The following DPY19L1 variants were observed in gnomAD, a reference collection of about 807,000 sequenced individuals.
The protein encoded by DPY19L1 is protein C-mannosyl-transferase DPY19L1.
In DPY19L1, 35 loss-of-function variants were observed where a neutral mutation model predicts 96.9. The observed-to-expected ratio is 0.36, with a 90% CI of 0.28 to 0.48. The LOEUF is 0.48. DPY19L1 is among the 20% of genes least tolerant of loss of function. The probability of loss-of-function intolerance (pLI) is 0.99; values close to 1 mark genes in which losing one functional copy is unlikely to be tolerated. For missense variants in DPY19L1, 521 were observed against 777.9 expected, an observed-to-expected ratio of 0.67 and a Z score of 3.93; for synonymous variants, 205 against 252.6, an observed-to-expected ratio of 0.81 and a Z score of 1.79.
intron 1 of DPY19L1, among the ~76,000 whole-genome samples, chr7:35,034,515 T>C (rs1294585954): frequency 2.6e-5 from 4 of 152,166 alleles, no homozygotes; most frequent in Middle Eastern, 3.2e-3. Context: ...TTTACAAATA[T>C]TAGCACTAAA....
At chr7:35,001,218 C>A (rs1264611030) in intron 6 of DPY19L1, among the ~76,000 whole-genome samples, 1 of 152,180 alleles carries the variant, frequency 6.6e-6, no homozygotes, top group Non-Finnish European at 1.5e-5. Context: ...AGATTGGAAT[C>A]TGCAGAAGGA....
chr7:35,032,695 A>G (rs769510168), intron 1 of DPY19L1, among the ~76,000 whole-genome samples: 1 of 151,888 alleles, frequency 6.6e-6, no homozygotes, highest in Non-Finnish European at 1.5e-5. Context: ...GAAATTCTTG[A>G]CCTTTTCCTT....
intron 7 of DPY19L1, among the ~76,000 whole-genome samples, chr7:34,987,803 G>A (rs188938743): frequency 1.3e-4 from 20 of 151,918 alleles, no homozygotes; most frequent in Admixed American, 7.2e-4. Context: ...TACCTAAAAC[G>A]AAAATATGTT....
At chr7:34,956,160 A>G (rs1784374253) in intron 11 of DPY19L1, among the ~76,000 whole-genome samples, 1 of 152,236 alleles carries the variant, frequency 6.6e-6, no homozygotes, top group South Asian at 2.1e-4. Flanking sequence ...GAAATTTCCT[A>G]CAAAATGTAC....
At chr7:35,021,168 T>G (rs572710796) in intron 1 of DPY19L1, among the ~76,000 whole-genome samples, 22 of 152,226 alleles carry the variant, frequency 1.4e-4, no homozygotes, top group Non-Finnish European at 1.3e-4. Context: ...GGTGGTATAG[T>G]GGTGAGCATA....
At chr7:34,935,276 C>T (rs887624447) in intron 21 of DPY19L1, among the ~76,000 whole-genome samples, 45 of 152,008 alleles carry the variant, frequency 3.0e-4, no homozygotes, top group Non-Finnish European at 5.3e-4. Flanking sequence ...CTCTGTTTGC[C>T]TTGTGCAACA....
At chr7:34,947,819 A>T in intron 14 of DPY19L1, 118 bp from the exon 15 acceptor site, 3 of 736,292 alleles carry the variant, frequency 4.1e-6, no homozygotes, top group East Asian at 2.8e-5. Flanking sequence ...TCACCAATCT[A>T]CTCACTGACT....
In DPY19L1 at chr7:34,989,101, T is replaced by C. The variant is rs117403017; in HGVS notation, c.822+783A>G. On this transcript the variant is annotated intron_variant, in intron 7 of 21. Transcript: ENST00000638088. ...CCAGGCAACCTGGATCCAGAGTCTA[T>C]ATTTTTTACAATACTGTTGTCTTTA... is the stretch of plus-strand genomic sequence containing the variant. Among the ~76,000 whole-genome samples, 1,050 of 152,346 alleles carry C rather than the reference T, an allele frequency of 6.9e-3. 8 individuals carry two copies. The highest frequency in any genetic ancestry group is 0.012 in the Non-Finnish European group (798 of 68,036).
At chr7:35,030,628 G>C (rs1786237628) in intron 1 of DPY19L1, among the ~76,000 whole-genome samples, 1 of 152,038 alleles carries the variant, frequency 6.6e-6, no homozygotes. Flanking sequence ...CAAATATGGA[G>C]AAAGATGCCA....
At chr7:34,954,248 A>G (rs1309245565) in intron 13 of DPY19L1, among the ~76,000 whole-genome samples, 1 of 152,116 alleles carries the variant, frequency 6.6e-6, no homozygotes, top group African/African-American at 2.4e-5. Context: ...TCTTCTCTAA[A>G]TAAGACTCAC....
At chr7:35,017,236 G>A (rs148112971) in intron 3 of DPY19L1, among the ~76,000 whole-genome samples, 1,618 of 151,990 alleles carry the variant, frequency 0.011, 8 homozygotes, top group Non-Finnish European at 0.017. Flanking sequence ...GCTCACGCCT[G>A]TAATCCCAGC....
intron 7 of DPY19L1, among the ~76,000 whole-genome samples, chr7:34,976,444 TCTA>T (rs1258056237): frequency 6.6e-6 from 1 of 152,164 alleles, no homozygotes; most frequent in African/African-American, 2.4e-5. Context: ...TGAAATGGGA[TCTA>T]CTACTGGTGA....
intron 10 of DPY19L1, among the ~76,000 whole-genome samples, chr7:34,965,647 A>G (rs933967493): frequency 3.9e-5 from 6 of 152,176 alleles, no homozygotes; most frequent in Admixed American, 3.9e-4. Context: ...TTCCTTACAC[A>G]TTATAAATGT....
chr7:35,037,856 C>G (rs1055319674), upstream of DPY19L1: 1 of 1,235,012 alleles, frequency 8.1e-7, no homozygotes, highest in Non-Finnish European at 1.0e-6. Flanking sequence ...GGTGCGAGGA[C>G]GCGGGGGCGG....
At chr7:35,029,768 T>C (rs1022488215) in intron 1 of DPY19L1, among the ~76,000 whole-genome samples, 4 of 152,146 alleles carry the variant, frequency 2.6e-5, no homozygotes, top group African/African-American at 9.7e-5. Flanking sequence ...CCAGTAAAGC[T>C]CTTGTCAAAA....
At position 34,966,220 on chromosome 7, in the gene DPY19L1, C is replaced by T. The variant is rs1471615884; in HGVS notation, c.1092+674G>A. On this transcript the variant is annotated intron_variant, in intron 10 of 21. Transcript: ENST00000638088. ...TATTTATCTTCTGTCTTCCCTCTTT[C>T]CCCCACTCTGTTAGAATGTAGTAAT... Among the ~76,000 whole-genome samples the T allele has an allele frequency of 2.6e-5, 4 of 152,118 alleles. No homozygotes were observed. In the South Asian group the frequency reaches 6.2e-4, roughly 24 times the overall value.
chr7:34,965,338 T>C (rs1784586776), intron 10 of DPY19L1, among the ~76,000 whole-genome samples: 2 of 152,194 alleles, frequency 1.3e-5, no homozygotes, highest in Non-Finnish European at 2.9e-5. Flanking sequence ...TCTAGTTACA[T>C]GTAAGTAGCA....
At chr7:35,010,996 C>G (rs1212143913) in intron 5 of DPY19L1, among the ~76,000 whole-genome samples, 1 of 152,112 alleles carries the variant, frequency 6.6e-6, no homozygotes, top group African/African-American at 2.4e-5. Flanking sequence ...CCCAAGTCAC[C>G]CCGAAAGGCC....
chr7:34,958,052 A>G lies in DPY19L1; in HGVS notation c.1111T>C (p.Phe371Leu). 6.3e-7 allele frequency: 1 copy of G among 1,583,422 alleles called. No homozygotes were observed. The highest frequency in any genetic ancestry group is 2.0e-5 in the Admixed American group (1 of 49,914). ...ATTGAGTTCCCAAACATCAAAACAAAACAAAGTGCAAGAGAAATCTGGAAA... is the reference window on the plus strand; with the variant it reads ...ATTGAGTTCCCAAACATCAAAACAAGACAAAGTGCAAGAGAAATCTGGAAA... Reference protein sequence around the residue: ...YIHMISLALCFVLMFGNSMLL... With the variant: ...YIHMISLALCLVLMFGNSMLL... The change falls in exon 11 of 22, where the codon TTT becomes CTT. Residue 371 changes from phenylalanine to leucine, a missense_variant. Phe to Leu is a conservative substitution (Grantham distance 22). Transcript: ENST00000638088.
Sources: gnomAD v4.1 joint callset for allele counts (sites outside exome capture counted in the v4.1 genomes callset) on GRCh38, gnomAD v4.1.1 for gene constraint, MANE v1.5 for transcripts, NCBI Gene and HGNC (gene_info 2026-07-23, HGNC 2026-07-21) for gene names.